TLK1: variants seen among roughly 807,000 people sequenced by gnomAD.
TLK1 encodes serine/threonine-protein kinase tousled-like 1.
In TLK1, 24 loss-of-function variants were observed where a neutral mutation model predicts 105.3. The ratio of observed to expected loss-of-function variants is 0.23; its 90% confidence interval spans 0.17 to 0.32. TLK1 has a LOEUF of 0.32. TLK1 is among the 10% of genes least tolerant of loss of function. The pLI is 1.00. For synonymous variants in TLK1, 321 were observed against 310.4 expected, an observed-to-expected ratio of 1.03 and a Z score of -0.36; for missense variants, 558 against 910.5, an observed-to-expected ratio of 0.61 and a Z score of 4.98.
chr2:171,035,336 C>T (rs950914643), intron 11 of TLK1, among the ~76,000 whole-genome samples: 3 of 93,124 alleles, frequency 3.2e-5, no homozygotes, highest in African/African-American at 3.2e-5. Context: ...AGCAAAACTC[C>T]GTCTCAAAAA....
intron 12 of TLK1, among the ~76,000 whole-genome samples, chr2:171,020,022 C>CA (rs1685413599): frequency 1.3e-5 from 2 of 150,358 alleles, no homozygotes; most frequent in Admixed American, 1.3e-4. Flanking sequence ...CACACTACTG[C>CA]ACTCTAGCCA....
At chr2:171,167,395 T>C (rs1158482004) in intron 1 of TLK1, among the ~76,000 whole-genome samples, 1 of 152,214 alleles carries the variant, frequency 6.6e-6, no homozygotes, top group Non-Finnish European at 1.5e-5. Context: ...GCTCTTAAGA[T>C]GCCTACCCTG....
At chr2:170,995,361 T>C (rs981708519) in intron 20 of TLK1, among the ~76,000 whole-genome samples, 34 of 152,040 alleles carry the variant, frequency 2.2e-4, no homozygotes, top group African/African-American at 8.2e-4. Context: ...ATTTATATCA[T>C]ATAATTGTAT....
intron 1 of TLK1, among the ~76,000 whole-genome samples, chr2:171,169,755 T>C (rs977516979): frequency 6.6e-6 from 1 of 152,212 alleles, no homozygotes; most frequent in Non-Finnish European, 1.5e-5. Flanking sequence ...CCAGATTAAA[T>C]TAATGAAGAC....
chr2:171,223,486 T>A (rs1693844839), intron 1 of TLK1, among the ~76,000 whole-genome samples: 1 of 150,296 alleles, frequency 6.7e-6, no homozygotes, highest in South Asian at 2.1e-4. Flanking sequence ...TTGCACTTTT[T>A]TTTTTTTTTT....
intron 11 of TLK1, among the ~76,000 whole-genome samples, chr2:171,030,883 A>G (rs1353779642): frequency 6.6e-6 from 1 of 152,176 alleles, no homozygotes; most frequent in African/African-American, 2.4e-5. Flanking sequence ...AGGTTTGGCT[A>G]TCATGTATAA....
At chr2:171,111,585 CA>C (rs34969114) in intron 2 of TLK1, among the ~76,000 whole-genome samples, 29,054 of 113,722 alleles carry the variant, frequency 0.26, 2,881 homozygotes, top group Middle Eastern at 0.33. Context: ...ATCCTGTATT[CA>C]AAAAAAAAAA....
chr2:171,042,573 T>C (rs185250660), intron 11 of TLK1, among the ~76,000 whole-genome samples: 47 of 152,298 alleles, frequency 3.1e-4, no homozygotes, highest in Non-Finnish European at 6.3e-4. Context: ...TAATTTAGTA[T>C]TGACCACTTT....
intron 12 of TLK1, among the ~76,000 whole-genome samples, chr2:171,017,119 A>G (rs1685248223): frequency 6.6e-6 from 1 of 152,218 alleles, no homozygotes; most frequent in Non-Finnish European, 1.5e-5. Flanking sequence ...AAGCTTTGAG[A>G]CAAAAAACTC....
intron 3 of TLK1, chr2:171,066,846 C>A: frequency 1.3e-6 from 2 of 1,551,352 alleles, no homozygotes; most frequent in Non-Finnish European, 1.7e-6. Context: ...AATTACCTTG[C>A]CAGTAGTTTT....
At chr2:170,998,001 A>C (rs1684145376) in intron 18 of TLK1, among the ~76,000 whole-genome samples, 178 bp from the exon 19 acceptor site, 1 of 152,224 alleles carries the variant, frequency 6.6e-6, no homozygotes, top group Admixed American at 6.5e-5. Context: ...TTAACTCTAG[A>C]GCCAACACAT....
At chr2:171,204,765 C>A (rs1693470342) in intron 1 of TLK1, among the ~76,000 whole-genome samples, 1 of 151,858 alleles carries the variant, frequency 6.6e-6, no homozygotes, top group Admixed American at 6.6e-5. Flanking sequence ...TTGAGACCAG[C>A]CTGGCTAACA....
chr2:171,094,498 C>T (rs1006819787), intron 2 of TLK1, among the ~76,000 whole-genome samples: 9 of 152,108 alleles, frequency 5.9e-5, no homozygotes, highest in African/African-American at 1.2e-4. Context: ...TGAGATACTA[C>T]GAGAAAGCAA....
Position 171,049,817 on chromosome 2 carries a change from A to C in TLK1, c.977T>G (p.Val326Gly). The change falls in exon 10 of 21, where the codon GTG becomes GGG. Residue 326 changes from valine to glycine, a missense_variant. Physicochemically the swap from Val to Gly is moderately radical, Grantham distance 109 (BLOSUM62 -3). Coordinates refer to ENST00000431350, the MANE Select transcript of TLK1 (RefSeq NM_012290.5). The part of the protein sequence containing the change: ...WTDGFAFQNL[V>G]KQQEWVNQQR... ...TTAAATGTTAAGAATGACTAACTTC[A>C]CAAGATTCTGAAATGCAAAACCATC... 2 of 1,613,780 alleles carry C rather than the reference A, an allele frequency of 1.2e-6. No individual in the cohort carries two copies. Among genetic ancestry groups the C allele is most frequent in the Non-Finnish European group, 1.7e-6 (2 of 1,179,870 alleles).
upstream of TLK1, among the ~76,000 whole-genome samples, chr2:171,161,247 CT>C (rs1692490594): frequency 6.6e-6 from 1 of 151,538 alleles, no homozygotes; most frequent in African/African-American, 2.4e-5. Context: ...CTGACTCCCC[CT>C]GTCTCCCGCG....
intron 1 of TLK1, among the ~76,000 whole-genome samples, chr2:171,128,673 C>T (rs887446174): frequency 2.0e-5 from 3 of 152,068 alleles, no homozygotes; most frequent in Non-Finnish European, 4.4e-5. Context: ...TAACCAAGTT[C>T]CTCTTCCTCT....
intron 1 of TLK1, among the ~76,000 whole-genome samples, chr2:171,190,080 G>C (rs1414314157): frequency 6.6e-6 from 1 of 152,164 alleles, no homozygotes; most frequent in Non-Finnish European, 1.5e-5. Flanking sequence ...GCACAATTAA[G>C]ATCTTTTAGC....
At chr2:170,994,704 C>A (rs536691047) in intron 20 of TLK1, 29 of 518,044 alleles carry the variant, frequency 5.6e-5, no homozygotes, top group Admixed American at 3.3e-4. Context: ...GCTCTGTCCC[C>A]AGTCGAACCT....
chr2:171,003,169 G>T (rs1684469854), intron 18 of TLK1, among the ~76,000 whole-genome samples: 1 of 150,014 alleles, frequency 6.7e-6, no homozygotes, highest in Non-Finnish European at 1.5e-5. Context: ...GGCTGCTCAG[G>T]AGGCTGAGGC....
Sources: gnomAD v4.1 joint callset for allele counts (sites outside exome capture counted in the v4.1 genomes callset) on GRCh38, gnomAD v4.1.1 for gene constraint, MANE v1.5 for transcripts, NCBI Gene and HGNC (gene_info 2026-07-23, HGNC 2026-07-21) for gene names.